Variants in INPP4B observed in about 807,000 individuals in gnomAD.
INPP4B encodes the protein inositol polyphosphate 4-phosphatase type II.
In INPP4B, 55 loss-of-function variants were observed where a neutral mutation model predicts 122.5. The observed-to-expected ratio is 0.45, with a 90% CI of 0.36 to 0.56. INPP4B has a LOEUF of 0.56. Among genes scored for constraint, INPP4B ranks in the 20% least tolerant of loss-of-function variants. The probability of loss-of-function intolerance (pLI) is 0.00; values close to 1 mark genes in which losing one functional copy is unlikely to be tolerated. For synonymous variants in INPP4B, 403 were observed against 388.7 expected (o/e 1.04, Z -0.43); for missense variants, 1,000 against 1,097.7 (o/e 0.91, Z 1.26).
intron 18 of INPP4B, among the ~76,000 whole-genome samples, chr4:142,130,745 T>G (rs534924268): frequency 2.6e-5 from 4 of 152,322 alleles, no homozygotes; most frequent in Non-Finnish European, 5.9e-5. Flanking sequence ...GGTAAATGAC[T>G]GATCTTAGCA....
chr4:142,369,213 G>C (rs527931817), intron 7 of INPP4B, among the ~76,000 whole-genome samples: 35 of 152,190 alleles, frequency 2.3e-4, no homozygotes, highest in South Asian at 6.2e-4. Context: ...CTTTCCAAGA[G>C]ACATCAAAAT....
chr4:142,184,816 G>A (rs1188238131), intron 15 of INPP4B, among the ~76,000 whole-genome samples: 4 of 152,130 alleles, frequency 2.6e-5, no homozygotes, highest in African/African-American at 9.7e-5. Flanking sequence ...GAGGGTAGAG[G>A]GGAGGGAAAG....
intron 12 of INPP4B, among the ~76,000 whole-genome samples, chr4:142,225,855 A>C (rs1448418376): frequency 6.6e-6 from 1 of 152,154 alleles, no homozygotes; most frequent in East Asian, 1.9e-4. Context: ...AGGTTTTCTA[A>C]CACTGTTTTA....
intron 3 of INPP4B, among the ~76,000 whole-genome samples, chr4:142,442,291 A>C (rs1216926201): frequency 1.3e-5 from 2 of 151,674 alleles, no homozygotes; most frequent in Non-Finnish European, 2.9e-5. Context: ...ATGTGCCTGT[A>C]ATCCCAGCTA....
intron 2 of INPP4B, among the ~76,000 whole-genome samples, chr4:142,722,404 T>C (rs1355581788): frequency 6.6e-6 from 1 of 152,098 alleles, no homozygotes; most frequent in South Asian, 2.1e-4. Flanking sequence ...ATAAATAAGG[T>C]AAGAAACATA....
chr4:142,148,308 G>A (rs1465678716), intron 17 of INPP4B, among the ~76,000 whole-genome samples: 1 of 152,076 alleles, frequency 6.6e-6, no homozygotes, highest in African/African-American at 2.4e-5. Context: ...TTGATCTCCT[G>A]GGTTCAAATG....
intron 2 of INPP4B, among the ~76,000 whole-genome samples, chr4:142,720,115 G>A (rs1366470952): frequency 2.0e-5 from 3 of 152,134 alleles, no homozygotes; most frequent in African/African-American, 7.2e-5. Flanking sequence ...TCATCTCAAT[G>A]ATACAGAGAA....
intron 2 of INPP4B, among the ~76,000 whole-genome samples, chr4:142,629,494 G>A (rs183646911): frequency 1.2e-3 from 177 of 152,144 alleles, no homozygotes; most frequent in Middle Eastern, 3.4e-3. Flanking sequence ...CCTAGAGTGC[G>A]TGAGTGTATG....
intron 1 of INPP4B, among the ~76,000 whole-genome samples, chr4:142,736,360 T>G (rs911471340): frequency 3.3e-5 from 5 of 152,222 alleles, no homozygotes; most frequent in African/African-American, 4.8e-5. Flanking sequence ...CTGTTATAAT[T>G]AATAATATGG....
chr4:142,176,118 T>TTTTTTATTA (rs1553997293), intron 15 of INPP4B, among the ~76,000 whole-genome samples: 2 of 137,620 alleles, frequency 1.5e-5, no homozygotes, highest in Non-Finnish European at 3.1e-5. Context: ...ACTGCTTTCT[T>TTTTTTATTA]TTATTATTAT....
Position 142,146,012 on chromosome 4 carries a change from G to C in INPP4B, c.1564-16C>G, listed in dbSNP as rs1437686463. The C allele has an allele frequency of 6.2e-7, 1 of 1,601,098 alleles. No homozygotes were observed. The highest frequency in any genetic ancestry group is 1.3e-5 in the African/African-American group (1 of 74,470). On this transcript the variant is annotated splice_polypyrimidine_tract_variant and intron_variant, in intron 17 of 25. Transcript: ENST00000262992. ...ACACCCTGTCCTGAAAAAAGCATGA[G>C]TATCACTACATATTTTTGTCACAAA... is the stretch of plus-strand genomic sequence containing the variant.
chr4:142,797,514 T>C (rs567308254), intron 1 of INPP4B, among the ~76,000 whole-genome samples: 27 of 151,946 alleles, frequency 1.8e-4, no homozygotes, highest in Non-Finnish European at 3.1e-4. Flanking sequence ...TATATCTAGG[T>C]GATTGTACTC....
At chr4:142,345,863 C>T (rs900209676) in intron 7 of INPP4B, among the ~76,000 whole-genome samples, 1 of 151,872 alleles carries the variant, frequency 6.6e-6, no homozygotes, top group Non-Finnish European at 1.5e-5. Context: ...AGTATTTCAC[C>T]TTCATCAGTG....
intron 1 of INPP4B, among the ~76,000 whole-genome samples, chr4:142,739,043 A>C (rs1216387514): frequency 6.6e-6 from 1 of 152,132 alleles, no homozygotes; most frequent in Admixed American, 6.6e-5. Flanking sequence ...GGCTAAAACA[A>C]TCACCATCAA....
At chr4:142,598,507 C>T (rs113603527) in intron 2 of INPP4B, among the ~76,000 whole-genome samples, 10 of 152,250 alleles carry the variant, frequency 6.6e-5, no homozygotes, top group African/African-American at 2.4e-4. Context: ...ATTTCCCATT[C>T]CCACCAAAGG....
rs576170187 is a variant in INPP4B, at chr4:142,428,128, T to A, written c.136+1045A>T. On this transcript the variant is annotated intron_variant, in intron 5 of 25. Transcript: ENST00000262992. ...AATTACATACCAATTATGGTCTCAA[T>A]AAGTCATATTTTAAAATAAAATATT... Among the ~76,000 whole-genome samples, 24 of 151,558 alleles carry A rather than the reference T, an allele frequency of 1.6e-4. 1 individual carries two copies. In the South Asian group the frequency reaches 5.0e-3, roughly 31 times the overall value.
chr4:142,471,821 T>C lies in INPP4B; in HGVS notation c.-190-9095A>G, dbSNP rs76962125. Among the ~76,000 whole-genome samples, 944 of 152,218 alleles carry C rather than the reference T, an allele frequency of 6.2e-3. 14 individuals are homozygous for C. The highest frequency in any genetic ancestry group is 0.021 in the African/African-American group (890 of 41,518). Reference sequence around the variant, plus strand: ...CCTGAGCCTCTGTTCTTTAGGATTTTAGTGGATCCTAGGCACTTTTGCCTT... The same window carrying C: ...CCTGAGCCTCTGTTCTTTAGGATTTCAGTGGATCCTAGGCACTTTTGCCTT... On this transcript the variant is annotated intron_variant, in intron 2 of 25. Coordinates refer to ENST00000262992, the MANE Select transcript of INPP4B (RefSeq NM_001101669.3).
intron 2 of INPP4B, among the ~76,000 whole-genome samples, chr4:142,538,883 G>C (rs975131344): frequency 6.6e-6 from 1 of 151,650 alleles, no homozygotes; most frequent in Non-Finnish European, 1.5e-5. Context: ...GTAAAAAAGA[G>C]AGAATCCATT....
At chr4:142,589,375 A>C (rs1459560602) in intron 2 of INPP4B, among the ~76,000 whole-genome samples, 2 of 152,078 alleles carry the variant, frequency 1.3e-5, no homozygotes, top group Non-Finnish European at 2.9e-5. Context: ...GACTAGAATA[A>C]AATATTTGCA....
Sources: allele counts gnomAD v4.1 joint callset (sites outside exome capture counted in the v4.1 genomes callset), GRCh38; gene constraint gnomAD v4.1.1; transcripts MANE v1.5; gene names NCBI Gene and HGNC (gene_info 2026-07-23, HGNC 2026-07-21).